Variants in EXOC6B observed in about 807,000 individuals in gnomAD.
EXOC6B encodes SEC15 homolog B.
In EXOC6B, 54 loss-of-function variants were observed where a neutral mutation model predicts 113.5. That is an observed-to-expected ratio of 0.48 (90% CI 0.38 to 0.60). The LOEUF (loss-of-function observed/expected upper bound fraction) is 0.60. Ranked by LOEUF, EXOC6B falls within the 20% of genes least tolerant of loss-of-function variation. The pLI, the probability that EXOC6B is intolerant of heterozygous loss-of-function variation, is 0.00. For synonymous variants in EXOC6B, 357 were observed against 339.0 expected (o/e 1.05, Z -0.58); for missense variants, 797 against 977.5 (o/e 0.82, Z 2.46).
chr2:72,431,633 C>T (rs1486612541), intron 18 of EXOC6B, among the ~76,000 whole-genome samples: 1 of 152,066 alleles, frequency 6.6e-6, no homozygotes, highest in Non-Finnish European at 1.5e-5. Flanking sequence ...TGAGCCACCA[C>T]ATCCAACTAA....
chr2:72,767,794 C>T (rs1683159056), intron 1 of EXOC6B, among the ~76,000 whole-genome samples: 1 of 30,042 alleles, frequency 3.3e-5, no homozygotes, highest in Non-Finnish European at 6.8e-5. Context: ...GCCTGGGAGA[C>T]ACAGAGACCT....
chr2:72,460,707 T>A (rs891195334), intron 18 of EXOC6B, among the ~76,000 whole-genome samples: 10 of 152,092 alleles, frequency 6.6e-5, no homozygotes, highest in Admixed American at 5.2e-4. Context: ...ATCAGGAAAC[T>A]ACAGGTGCTG....
chr2:72,761,461 T>C (rs1378585966), intron 1 of EXOC6B, among the ~76,000 whole-genome samples: 1 of 152,176 alleles, frequency 6.6e-6, no homozygotes, highest in Non-Finnish European at 1.5e-5. Context: ...CACCACATTC[T>C]AGCTCTCCAA....
intron 19 of EXOC6B, among the ~76,000 whole-genome samples, chr2:72,356,737 A>G (rs528769013): frequency 1.3e-5 from 2 of 152,222 alleles, no homozygotes; most frequent in East Asian, 3.9e-4. Context: ...TTCTGCTTGC[A>G]TATACTCTAA....
At chr2:72,568,699 T>A (rs1704340179) in intron 7 of EXOC6B, among the ~76,000 whole-genome samples, 1 of 151,804 alleles carries the variant, frequency 6.6e-6, no homozygotes, top group African/African-American at 2.4e-5. Context: ...TAAAAGAAAA[T>A]TTTTAAAAGA....
At chr2:72,787,687 C>T (rs1684452850) in intron 1 of EXOC6B, among the ~76,000 whole-genome samples, 1 of 152,176 alleles carries the variant, frequency 6.6e-6, no homozygotes, top group African/African-American at 2.4e-5. Context: ...GGGTCTCACT[C>T]TGCTGCCCAA....
chr2:72,715,759 G>A (rs1679572893), intron 6 of EXOC6B, among the ~76,000 whole-genome samples: 1 of 152,132 alleles, frequency 6.6e-6, no homozygotes, highest in African/African-American at 2.4e-5. Flanking sequence ...GGGGGTGGGA[G>A]GAGACACCAG....
chr2:72,233,083 A>AAAAAAAG (rs1681735084), intron 20 of EXOC6B, among the ~76,000 whole-genome samples: 1 of 151,916 alleles, frequency 6.6e-6, no homozygotes, highest in Non-Finnish European at 1.5e-5. Context: ...AAAAAAAAAG[A>AAAAAAAG]AAAAAAGAAA....
At chr2:72,763,260 G>C (rs979894734) in intron 1 of EXOC6B, among the ~76,000 whole-genome samples, 14 of 151,910 alleles carry the variant, frequency 9.2e-5, no homozygotes, top group African/African-American at 3.1e-4. Flanking sequence ...AATTAATTGA[G>C]TATACTTCCA....
At chr2:72,751,071 C>A (rs183890177) in intron 1 of EXOC6B, among the ~76,000 whole-genome samples, 1 of 151,992 alleles carries the variant, frequency 6.6e-6, no homozygotes, top group African/African-American at 2.4e-5. Context: ...AAAAAACTAT[C>A]AAAAATGAAT....
At chr2:72,279,791 GT>G (rs1207886481) in intron 20 of EXOC6B, among the ~76,000 whole-genome samples, 100 of 151,330 alleles carry the variant, frequency 6.6e-4, no homozygotes, top group African/African-American at 2.2e-3. Flanking sequence ...TAATATTTGG[GT>G]TTTTTTTGTT....
chr2:72,244,055 C>A (rs992846076), intron 20 of EXOC6B, among the ~76,000 whole-genome samples: 1 of 152,118 alleles, frequency 6.6e-6, no homozygotes, highest in South Asian at 2.1e-4. Flanking sequence ...ATCAAATAGA[C>A]CAAATTGGCA....
chr2:72,458,988 G>C (rs1005715601), intron 18 of EXOC6B, among the ~76,000 whole-genome samples: 23 of 151,976 alleles, frequency 1.5e-4, no homozygotes, highest in Non-Finnish European at 2.9e-5. Flanking sequence ...CATTATAAAA[G>C]CTGCAGATGT....
intron 18 of EXOC6B, among the ~76,000 whole-genome samples, chr2:72,401,828 A>G (rs1347192224): frequency 6.7e-6 from 1 of 149,484 alleles, no homozygotes; most frequent in African/African-American, 2.4e-5. Context: ...GCATAAATAC[A>G]AAAAATTAAA....
chr2:72,281,151 C>T (rs1029091391), intron 20 of EXOC6B, among the ~76,000 whole-genome samples: 6 of 152,122 alleles, frequency 3.9e-5, no homozygotes, highest in Admixed American at 6.5e-5. Flanking sequence ...ACTGAACCTT[C>T]GAAAAACTAC....
chr2:72,633,680 A>C (rs1013336717), intron 6 of EXOC6B, among the ~76,000 whole-genome samples: 1 of 152,202 alleles, frequency 6.6e-6, no homozygotes, highest in Non-Finnish European at 1.5e-5. Context: ...CAGGTAAAAC[A>C]CCTGGAACAG....
intron 1 of EXOC6B, among the ~76,000 whole-genome samples, chr2:72,760,892 A>C (rs1040776222): frequency 6.6e-6 from 1 of 152,166 alleles, no homozygotes; most frequent in Non-Finnish European, 1.5e-5. Context: ...CAAAAATGAC[A>C]TATGATGCCA....
At chr2:72,781,926 G>C (rs1036772629) in intron 1 of EXOC6B, among the ~76,000 whole-genome samples, 2 of 151,946 alleles carry the variant, frequency 1.3e-5, no homozygotes, top group East Asian at 3.9e-4. Flanking sequence ...ATCATTTGAG[G>C]TCAGGAGTTT....
At chr2:72,401,638 CATATATACATATAT>C (rs1693308307) in intron 18 of EXOC6B, among the ~76,000 whole-genome samples, 1 of 15,486 alleles carries the variant, frequency 6.5e-5, no homozygotes, top group Non-Finnish European at 1.1e-4. Context: ...TATATATATA[CATATATACATATAT>C]ATATATATAT....
Sources: gnomAD v4.1 joint callset for allele counts (sites outside exome capture counted in the v4.1 genomes callset) on GRCh38, gnomAD v4.1.1 for gene constraint, MANE v1.5 for transcripts, NCBI Gene and HGNC (gene_info 2026-07-23, HGNC 2026-07-21) for gene names.